The following ZNF766 variants were observed in gnomAD, a reference collection of about 807,000 sequenced individuals.
The protein encoded by ZNF766 is zinc finger protein 766.
ZNF766 carries 13 observed loss-of-function variants against 13.2 expected under a neutral mutation model. The ratio of observed to expected loss-of-function variants is 0.98; its 90% CI spans 0.64 to 1.56. The LOEUF is 1.56. Among genes scored for constraint, ZNF766 ranks in the 40% most tolerant of loss-of-function variants. The pLI, the probability that ZNF766 is intolerant of heterozygous loss-of-function variation, is 0.00. For missense variants in ZNF766, 521 were observed against 552.2 expected, an observed-to-expected ratio of 0.94 and a Z score of 0.57; for synonymous variants, 178 against 187.6, an observed-to-expected ratio of 0.95 and a Z score of 0.42.
Position 52,291,953 on chromosome 19 carries a change from T to C in ZNF766, c.*755T>C. 3.6e-6 allele frequency: 2 copies of C among 556,174 alleles called. No homozygotes were observed. The highest frequency in any genetic ancestry group is 6.4e-6 in the Non-Finnish European group (2 of 313,838). The allele number at this position is 556,174 out of a possible 1,614,324, so 34.5% of individuals were successfully genotyped here. A position where few individuals can be genotyped will look rare whatever the true frequency, so the allele number is the denominator to read the frequency against. ...CCAGGCCCTTGGCATGTGTCTGTAGTTCCAGCTACTCAAGAGGCCGAGGCA... is the reference window on the plus strand; with the variant it reads ...CCAGGCCCTTGGCATGTGTCTGTAGCTCCAGCTACTCAAGAGGCCGAGGCA... On this transcript the variant is annotated 3_prime_UTR_variant, in exon 4 of 4. Coordinates refer to ENST00000439461, the MANE Select transcript of ZNF766 (RefSeq NM_001010851.3).
At chr19:52,286,188 T>TCCCCCCCCCCCCCC (rs71254004) in intron 3 of ZNF766, among the ~76,000 whole-genome samples, 2 of 146,562 alleles carry the variant, frequency 1.4e-5, no homozygotes, top group African/African-American at 5.4e-5. Flanking sequence ...AGTGGGCTTT[T>TCCCCCCCCCCCCCC]CCCCCCTAAT....
At position 52,290,689 on chromosome 19, in the gene ZNF766, A is replaced by G; in HGVS notation, c.898A>G (p.Lys300Glu). 1.9e-6 allele frequency: 3 copies of G among 1,613,814 alleles called. No homozygotes were observed. The highest frequency in any genetic ancestry group is 2.5e-6 in the Non-Finnish European group (3 of 1,179,814). Residue 300 changes from lysine (K) to glutamate (E), a missense_variant, in exon 4 of 4, where the codon AAA (lysine) becomes GAA (glutamate). By Grantham distance (56) the Lys-to-Glu change is moderately conservative (BLOSUM62 1). Transcript: ENST00000439461. ...QKIHTREKPHKCNKCGKVYSS... is the reference protein window; with the variant it reads ...QKIHTREKPHECNKCGKVYSS... Reference sequence around the variant, plus strand: ...AATTCATACTAGAGAGAAACCTCATAAATGTAACAAATGTGGCAAGGTTTA... The same window carrying G: ...AATTCATACTAGAGAGAAACCTCATGAATGTAACAAATGTGGCAAGGTTTA...
intron 3 of ZNF766, among the ~76,000 whole-genome samples, chr19:52,285,602 C>G (rs781328339): frequency 5.3e-5 from 8 of 152,230 alleles, no homozygotes; most frequent in Non-Finnish European, 1.0e-4. Flanking sequence ...CAAGCCCTCC[C>G]TGGGCGTGCC....
chr19:52,282,738 CA>C (rs1285442203), intron 2 of ZNF766, among the ~76,000 whole-genome samples: 1 of 152,162 alleles, frequency 6.6e-6, no homozygotes, highest in African/African-American at 2.4e-5. Flanking sequence ...CTTCATGATA[CA>C]CCTTTGGGTG....
At chr19:52,277,097 G>T in intron 1 of ZNF766, 1 of 1,008,964 alleles carries the variant, frequency 9.9e-7, no homozygotes. Context: ...TGTGGTTGTG[G>T]CACAGGAAGA....
chr19:52,280,840 A>C (rs1213806495), intron 1 of ZNF766, among the ~76,000 whole-genome samples: 7 of 148,444 alleles, frequency 4.7e-5, no homozygotes, highest in Admixed American at 2.0e-4. Context: ...TCGGCCTCCC[A>C]AAGTGCTGGG....
In ZNF766 at chr19:52,291,176, AT is replaced by A; in HGVS notation, c.1386del (p.His462GlnfsTer17). ...TTTGTACAGCATCAGAGAAGTGTTC[AT>A]GAGAGAGTCCTTACAAACTGAGTTT... Reference protein sequence around the residue: ...SWFVQHQRSVHERVLTN With the variant: ...SWFVQHQRSVXERVLTN On this transcript the variant is annotated frameshift_variant, in exon 4 of 4. Coordinates refer to ENST00000439461, the MANE Select transcript of ZNF766 (RefSeq NM_001010851.3). LOFTEE classifies it high-confidence loss of function. 1 of 1,578,872 alleles carries A rather than the reference AT, an allele frequency of 6.3e-7. No homozygotes were observed. The highest frequency in any genetic ancestry group is 8.6e-7 in the Non-Finnish European group (1 of 1,162,754).
In ZNF766 at chr19:52,290,874, C is replaced by G. The variant is rs1022665369; in HGVS notation, c.1083C>G (p.Asp361Glu). Residue 361 changes from aspartate (D) to glutamate (E), a missense_variant, in exon 4 of 4, where the codon GAC becomes GAG. Physicochemically the swap from Asp to Glu is conservative, Grantham distance 45 (BLOSUM62 2). Coordinates refer to ENST00000439461, the MANE Select transcript of ZNF766 (RefSeq NM_001010851.3). ...GEKPYKCKEC[D>E]KAFRHKFSLT... ...AACCTTACAAATGTAAAGAATGTGA[C>G]AAAGCTTTTAGGCACAAGTTCTCCC... The G allele has an allele frequency of 3.1e-6, 5 of 1,613,816 alleles. No individual in the cohort carries two copies. In the East Asian group the frequency reaches 8.9e-5, roughly 29 times the overall value.
chr19:52,286,291 C>T lies in ZNF766; in HGVS notation c.274+2878C>T, dbSNP rs976293901. Among the ~76,000 whole-genome samples the T allele has an allele frequency of 4.0e-5, 6 of 150,346 alleles. 1 individual carries two copies. The highest frequency in any genetic ancestry group is 1.9e-4 in the East Asian group (1 of 5,156). On this transcript the variant is annotated intron_variant, in intron 3 of 3. Transcript: ENST00000439461. ...ACTCTATTATGTTAAGTAAGTTCCT[C>T]GTATTCCTAGTGTGTTGAGTGTTTT...
intron 1 of ZNF766, among the ~76,000 whole-genome samples, chr19:52,278,129 C>T (rs1483891207): frequency 2.6e-5 from 4 of 151,992 alleles, no homozygotes; most frequent in African/African-American, 4.8e-5. Context: ...TGTACCACCA[C>T]GCCCGGCAAT....
intron 3 of ZNF766, among the ~76,000 whole-genome samples, chr19:52,286,939 G>GCTT (rs1486457222): frequency 6.6e-6 from 1 of 152,086 alleles, no homozygotes; most frequent in Non-Finnish European, 1.5e-5. Flanking sequence ...GGGCTCAAGT[G>GCTT]CTTCTCCTCC....
intron 1 of ZNF766, among the ~76,000 whole-genome samples, chr19:52,281,162 A>T (rs953552876): frequency 6.6e-6 from 1 of 151,904 alleles, no homozygotes; most frequent in Non-Finnish European, 1.5e-5. Context: ...TCTAAAAAAA[A>T]AAAAATTATA....
chr19:52,281,138 A>G (rs1312117700), intron 1 of ZNF766, among the ~76,000 whole-genome samples: 2 of 150,134 alleles, frequency 1.3e-5, no homozygotes, highest in Non-Finnish European at 3.0e-5. Context: ...CTGGGCAACA[A>G]GAGCAAAACT....
chr19:52,280,964 C>T (rs998833901), intron 1 of ZNF766, among the ~76,000 whole-genome samples: 1 of 151,532 alleles, frequency 6.6e-6, no homozygotes, highest in Admixed American at 6.6e-5. Context: ...TCGAGACCAG[C>T]CTGACCAATG....
Position 52,291,863 on chromosome 19 carries a change from C to G in ZNF766, c.*665C>G, listed in dbSNP as rs1982163997. On this transcript the variant is annotated 3_prime_UTR_variant, in exon 4 of 4. Coordinates refer to ENST00000439461, the MANE Select transcript of ZNF766 (RefSeq NM_001010851.3). Reference sequence around the variant, plus strand: ...GCCAAGACAGGAGGGTCACTTGATGCCTGGAGATCAAGATAAGTATGGGCA... The same window carrying G: ...GCCAAGACAGGAGGGTCACTTGATGGCTGGAGATCAAGATAAGTATGGGCA... 1 of 348,908 alleles carries G rather than the reference C, an allele frequency of 2.9e-6. No homozygotes were observed. The highest frequency in any genetic ancestry group is 5.2e-6 in the Non-Finnish European group (1 of 193,952). The allele number at this position is 348,908 out of a possible 1,614,324, so 21.6% of individuals were successfully genotyped here.
At chr19:52,281,861 G>A in intron 1 of ZNF766, 1 of 540,212 alleles carries the variant, frequency 1.9e-6, no homozygotes, top group South Asian at 1.5e-5. Flanking sequence ...AGAGACACTT[G>A]TATGCTAGCT....
At position 52,294,953 on chromosome 19, in the gene ZNF766, A is replaced by G. The variant is rs913917111; in HGVS notation, c.*3755A>G. 4.6e-5 allele frequency: 7 copies of G among 150,930 alleles called. No individual in the cohort carries two copies. The highest frequency in any genetic ancestry group is 7.4e-5 in the Non-Finnish European group (5 of 67,766). The allele number at this position is 150,930 out of a possible 1,614,324, so 9.3% of individuals were successfully genotyped here. ...TTATAATAAATATAATGTATTATAT[A>G]ATATGATTAAAATATATTTGTTATA... On this transcript the variant is annotated 3_prime_UTR_variant, in exon 4 of 4. Transcript: ENST00000439461.
intron 3 of ZNF766, among the ~76,000 whole-genome samples, chr19:52,287,842 TGTA>T (rs1228107198): frequency 1.3e-5 from 2 of 152,188 alleles, no homozygotes; most frequent in Non-Finnish European, 2.9e-5. Flanking sequence ...CCTTTCTAAT[TGTA>T]GTTATTTCGG....
Position 52,292,300 on chromosome 19 carries a change from G to A in ZNF766, c.*1102G>A. 1 of 649,366 alleles carries A rather than the reference G, an allele frequency of 1.5e-6. No homozygotes were observed. The highest frequency in any genetic ancestry group is 2.5e-5 in the Admixed American group (1 of 39,388). 40.2% of individuals were successfully genotyped at this position (649,366 alleles called of 1,614,324 possible). On this transcript the variant is annotated 3_prime_UTR_variant, in exon 4 of 4. Coordinates refer to ENST00000439461, the MANE Select transcript of ZNF766 (RefSeq NM_001010851.3). ...TTTAGAGACCATGGAGGTGGACAGA[G>A]AATAACAAAACCGTGATGGCAGTCA...
Sources: allele counts gnomAD v4.1 joint callset (sites outside exome capture counted in the v4.1 genomes callset), GRCh38; gene constraint gnomAD v4.1.1; transcripts MANE v1.5; gene names NCBI Gene and HGNC (gene_info 2026-07-23, HGNC 2026-07-21).